Variants in CNTN5 observed in about 807,000 individuals in gnomAD.
The protein encoded by CNTN5 is contactin 5, also known as contactin-5.
CNTN5 carries 77 observed loss-of-function variants against 129.1 expected under a neutral mutation model. The observed-to-expected ratio is 0.60, with a 90% CI of 0.50 to 0.72. The LOEUF (loss-of-function observed/expected upper bound fraction) is 0.72, where lower values mean the gene tolerates loss of function less well. Among genes scored for constraint, CNTN5 ranks in the 30% least tolerant of loss-of-function variants. The probability of loss-of-function intolerance (pLI) is 0.00; values close to 1 mark genes in which losing one functional copy is unlikely to be tolerated. For missense variants in CNTN5, 1,478 were observed against 1,328.8 expected, an observed-to-expected ratio of 1.11 and a Z score of -1.75; for synonymous variants, 509 against 465.6, an observed-to-expected ratio of 1.09 and a Z score of -1.20.
At chr11:99,378,998 C>G (rs557521928) in intron 2 of CNTN5, among the ~76,000 whole-genome samples, 1 of 151,912 alleles carries the variant, frequency 6.6e-6, no homozygotes, top group Non-Finnish European at 1.5e-5. Flanking sequence ...GTCTTCTGCA[C>G]ATGATATTCA....
intron 3 of CNTN5, among the ~76,000 whole-genome samples, chr11:99,664,550 G>C (rs1007913465): frequency 6.6e-6 from 1 of 151,962 alleles, no homozygotes; most frequent in African/African-American, 2.4e-5. Flanking sequence ...GGCATTTTTC[G>C]CTATAGCCAT....
intron 20 of CNTN5, among the ~76,000 whole-genome samples, chr11:100,304,612 T>C (rs1417102870): frequency 6.6e-6 from 1 of 151,522 alleles, no homozygotes; most frequent in Non-Finnish European, 1.5e-5. Flanking sequence ...AACACAAACA[T>C]TCTTGAGAGA....
intron 4 of CNTN5, among the ~76,000 whole-genome samples, chr11:99,830,248 G>A (rs576063222): frequency 6.6e-6 from 1 of 152,042 alleles, no homozygotes; most frequent in African/African-American, 2.4e-5. Flanking sequence ...ACATAATTTT[G>A]CTCTCTTTAA....
chr11:99,028,062 A>G (rs1488741816), intron 1 of CNTN5, among the ~76,000 whole-genome samples: 1 of 151,780 alleles, frequency 6.6e-6, no homozygotes, highest in Admixed American at 6.6e-5. Flanking sequence ...TTAGTTATTT[A>G]TTTTCCTAAA....
At chr11:99,554,382 G>T in intron 2 of CNTN5, among the ~76,000 whole-genome samples, 1 of 152,048 alleles carries the variant, frequency 6.6e-6, no homozygotes, top group East Asian at 1.9e-4. Flanking sequence ...TTGCTACTGT[G>T]TCCAGTTTCT....
chr11:99,644,698 A>G (rs1422058015), intron 3 of CNTN5, among the ~76,000 whole-genome samples: 2 of 152,232 alleles, frequency 1.3e-5, no homozygotes, highest in African/African-American at 2.4e-5. Context: ...TTAAATATTT[A>G]CTAATTAAGC....
At chr11:99,060,845 C>A (rs546447806) in intron 1 of CNTN5, among the ~76,000 whole-genome samples, 1 of 152,172 alleles carries the variant, frequency 6.6e-6, no homozygotes, top group Admixed American at 6.6e-5. Flanking sequence ...AGTGATATGT[C>A]TTCAGTGAAG....
At chr11:99,190,589 A>G (rs1412738245) in intron 1 of CNTN5, among the ~76,000 whole-genome samples, 2 of 151,174 alleles carry the variant, frequency 1.3e-5, no homozygotes, top group Non-Finnish European at 3.0e-5. Flanking sequence ...AATGTTTTGT[A>G]GTTTTTTTTA....
rs577617205 is a variant in CNTN5 at position 99,580,625 on chromosome 11, T to C, written c.55+24356T>C. ...TTTCTAGTTTATTTGCGTAGACGTG[T>C]TTATAGTATTCTCTGATGGTAGTTT... On this transcript the variant is annotated intron_variant, in intron 3 of 24. Transcript: ENST00000524871. Among the ~76,000 whole-genome samples the C allele has an allele frequency of 3.2e-4, 48 of 152,342 alleles. 1 individual carries two copies. Among genetic ancestry groups the C allele is most frequent in the African/African-American group, 1.1e-3 (47 of 41,576 alleles).
At chr11:99,719,318 G>A (rs1606273) in intron 3 of CNTN5, among the ~76,000 whole-genome samples, 56,054 of 151,508 alleles carry the variant, frequency 0.37, 11,146 homozygotes, top group East Asian at 0.8. Flanking sequence ...AGACTTTGTC[G>A]GGAAAAAGAA....
At chr11:100,261,016 G>A (rs1236440934) in intron 17 of CNTN5, among the ~76,000 whole-genome samples, 1 of 152,144 alleles carries the variant, frequency 6.6e-6, no homozygotes, top group Non-Finnish European at 1.5e-5. Context: ...GTCTCTGTTT[G>A]CACATGACAT....
intron 2 of CNTN5, among the ~76,000 whole-genome samples, chr11:99,456,574 A>G (rs1944503504): frequency 6.6e-6 from 1 of 152,098 alleles, no homozygotes; most frequent in Non-Finnish European, 1.5e-5. Context: ...GCTTTAATTT[A>G]ACATTGTGAC....
intron 1 of CNTN5, among the ~76,000 whole-genome samples, chr11:99,301,739 T>TATATACCAATGCAATATAA (rs1259663983): frequency 1.3e-4 from 19 of 151,718 alleles, no homozygotes; most frequent in African/African-American, 4.1e-4. Flanking sequence ...CCAATTAGTC[T>TATATACCAATGCAATATAA]ACACATTTAT....
intron 4 of CNTN5, among the ~76,000 whole-genome samples, chr11:99,843,825 T>C (rs979872947): frequency 2.6e-5 from 4 of 152,210 alleles, no homozygotes; most frequent in South Asian, 2.1e-4. Flanking sequence ...AGGGCTATTA[T>C]GTGATCAAAT....
At chr11:99,851,981 G>A (rs1947887856) in intron 6 of CNTN5, among the ~76,000 whole-genome samples, 1 of 152,048 alleles carries the variant, frequency 6.6e-6, no homozygotes, top group African/African-American at 2.4e-5. Context: ...CACAGTATAT[G>A]CAAAGCTTTA....
intron 1 of CNTN5, among the ~76,000 whole-genome samples, chr11:99,248,424 C>G (rs943683445): frequency 1.3e-5 from 2 of 152,120 alleles, no homozygotes; most frequent in Non-Finnish European, 2.9e-5. Flanking sequence ...CCTGTTCACT[C>G]TGATGGTAGT....
chr11:99,491,519 T>A (rs1486028806), intron 2 of CNTN5, among the ~76,000 whole-genome samples: 1 of 152,142 alleles, frequency 6.6e-6, no homozygotes, highest in Admixed American at 6.5e-5. Flanking sequence ...TTTCACAAGG[T>A]GGATACTGAC....
At chr11:100,086,564 G>T (rs932099050) in intron 13 of CNTN5, among the ~76,000 whole-genome samples, 1 of 150,984 alleles carries the variant, frequency 6.6e-6, no homozygotes, top group Non-Finnish European at 1.5e-5. Context: ...GTATGTGTGT[G>T]TGTATATATA....
At chr11:100,107,309 A>T (rs563842559) in intron 13 of CNTN5, among the ~76,000 whole-genome samples, 3 of 152,194 alleles carry the variant, frequency 2.0e-5, no homozygotes, top group African/African-American at 7.2e-5. Context: ...CAACCGGTTG[A>T]TAAATTCTTA....
Sources: gnomAD v4.1 joint callset for allele counts (sites outside exome capture counted in the v4.1 genomes callset) on GRCh38, gnomAD v4.1.1 for gene constraint, MANE v1.5 for transcripts, NCBI Gene and HGNC (gene_info 2026-07-23, HGNC 2026-07-21) for gene names.